Variants in ANKFN1 observed in about 807,000 individuals in gnomAD.
ANKFN1 encodes the protein ankyrin repeat and fibronectin type III domain containing 1, also known as ankyrin repeat and fibronectin type-III domain-containing protein 1.
ANKFN1 carries 74 observed loss-of-function variants against 108.7 expected under a neutral mutation model. That is an observed-to-expected ratio of 0.68 (90% CI 0.56 to 0.83). The LOEUF (loss-of-function observed/expected upper bound fraction) is 0.83. Ranked by LOEUF, ANKFN1 falls within the 40% of genes least tolerant of loss-of-function variation. The probability of loss-of-function intolerance (pLI) is 0.00; values close to 1 mark genes in which losing one functional copy is unlikely to be tolerated. For missense variants in ANKFN1, 1,505 were observed against 1,382.3 expected, an observed-to-expected ratio of 1.09 and a Z score of -1.41; for synonymous variants, 547 against 516.2, an observed-to-expected ratio of 1.06 and a Z score of -0.81.
chr17:56,477,539 T>C lies in ANKFN1; in HGVS notation c.1825T>C (p.Tyr609His). ...TCATCAGCGTCTCTTTCCTGGATTA[T>C]ATCTGGGTTACCTAAAGCTCTGTAG... is the stretch of plus-strand genomic sequence containing the variant. ...RSHQRLFPGLYLGYLKLCSSV... is the reference protein window; with the variant it reads ...RSHQRLFPGLHLGYLKLCSSV... The change falls in exon 16 of 21, where the codon TAT (tyrosine) becomes CAT (histidine). Residue 609 changes from tyrosine (Y) to histidine (H), a missense_variant. By Grantham distance (83) the Tyr-to-His change is moderately conservative. Coordinates refer to ENST00000682825, the MANE Select transcript of ANKFN1 (RefSeq NM_001370326.1). 5 of 1,613,268 alleles carry C rather than the reference T, an allele frequency of 3.1e-6. No homozygotes were observed. Among genetic ancestry groups the C allele is most frequent in the Non-Finnish European group, 4.2e-6 (5 of 1,179,560 alleles).
At chr17:56,284,391 C>T (rs903147711) in intron 3 of ANKFN1, among the ~76,000 whole-genome samples, 2 of 152,150 alleles carry the variant, frequency 1.3e-5, no homozygotes, top group Admixed American at 6.5e-5. Flanking sequence ...TGAAAATACT[C>T]CTATGATATT....
intron 1 of ANKFN1, among the ~76,000 whole-genome samples, chr17:56,187,838 A>ATTCTC (rs1211463976): frequency 4.6e-5 from 7 of 152,154 alleles, no homozygotes; most frequent in Non-Finnish European, 8.8e-5. Flanking sequence ...AAGGACAGAA[A>ATTCTC]ACCAAACACT....
At chr17:56,125,809 G>A (rs1246918130) in intron 4 of ANKFN1, among the ~76,000 whole-genome samples, 3 of 152,218 alleles carry the variant, frequency 2.0e-5, no homozygotes, top group Non-Finnish European at 4.4e-5. Context: ...GTAAAGCCAT[G>A]AGCAAAGGCA....
intron 1 of ANKFN1, among the ~76,000 whole-genome samples, chr17:56,185,404 G>T (rs1246547373): frequency 6.6e-6 from 1 of 152,196 alleles, no homozygotes; most frequent in African/African-American, 2.4e-5. Context: ...CCATAGGACA[G>T]GGTCTCCATA....
Position 56,062,573 on chromosome 17 carries a change from T to TTTTTTTTTTTTTTTTC in ANKFN1, c.288+16248_288+16249insTTTTTTTTTTTTTTTC, listed in dbSNP as rs1555589520. Among the ~76,000 whole-genome samples, 11 of 145,222 alleles carry TTTTTTTTTTTTTTTTC rather than the reference T, an allele frequency of 7.6e-5. 1 individual carries two copies. The highest frequency in any genetic ancestry group is 3.1e-4 in the African/African-American group (11 of 35,324). On this transcript the variant is annotated intron_variant, in intron 4 of 12. Coordinates refer to the ANKFN1 transcript ENST00000635860. ...TGTAATCTCTGCTTTTTTTTTTTTTTCTTTCCATTTGCTTGGTAAATTTTC... is the reference window on the plus strand; with the variant it reads ...TGTAATCTCTGCTTTTTTTTTTTTTTTTTTTTTTTTTTTTTCCTTTCCATTTGCTTGGTAAATTTTC...
chr17:56,087,428 C>T (rs1193099184), intron 4 of ANKFN1, among the ~76,000 whole-genome samples: 1 of 151,260 alleles, frequency 6.6e-6, no homozygotes, highest in African/African-American at 2.4e-5. Context: ...TTTCTTTATC[C>T]GGGCAGTGTC....
intron 4 of ANKFN1, among the ~76,000 whole-genome samples, chr17:56,334,906 G>A (rs147246233): frequency 1.3e-5 from 2 of 152,220 alleles, no homozygotes; most frequent in African/African-American, 4.8e-5. Flanking sequence ...TTTTGTGGAA[G>A]GTGTAAGGAA....
intron 3 of ANKFN1, among the ~76,000 whole-genome samples, chr17:56,285,216 C>T (rs2044184439): frequency 6.6e-6 from 1 of 152,056 alleles, no homozygotes; most frequent in Non-Finnish European, 1.5e-5. Flanking sequence ...TGGTCTTTGC[C>T]TTGCAGACAA....
intron 19 of ANKFN1, among the ~76,000 whole-genome samples, chr17:56,493,374 A>C (rs2051100230): frequency 6.6e-6 from 1 of 152,184 alleles, no homozygotes; most frequent in Non-Finnish European, 1.5e-5. Context: ...CTGGCCTACA[A>C]GGATAGGTTA....
At chr17:56,192,002 G>A (rs1172430035) in intron 1 of ANKFN1, among the ~76,000 whole-genome samples, 4 of 151,524 alleles carry the variant, frequency 2.6e-5, no homozygotes, top group Admixed American at 6.6e-5. Context: ...CCAGTTGATC[G>A]CATCGGCTCC....
chr17:56,349,489 C>T (rs924298265), intron 4 of ANKFN1, among the ~76,000 whole-genome samples: 2 of 151,828 alleles, frequency 1.3e-5, no homozygotes, highest in African/African-American at 4.8e-5. Flanking sequence ...TGCTAGCAGA[C>T]ATGGAACCCA....
intron 1 of ANKFN1, among the ~76,000 whole-genome samples, chr17:56,189,315 C>T (rs1022790999): frequency 3.0e-4 from 45 of 147,584 alleles, no homozygotes; most frequent in Non-Finnish European, 6.1e-4. Flanking sequence ...GGACTACAGG[C>T]GCCCGCCACT....
chr17:56,059,632 A>T (rs1307205737), intron 4 of ANKFN1, among the ~76,000 whole-genome samples: 1 of 152,198 alleles, frequency 6.6e-6, no homozygotes, highest in Non-Finnish European at 1.5e-5. Context: ...GAAGGGATCC[A>T]GTTTCAGTTT....
intron 4 of ANKFN1, among the ~76,000 whole-genome samples, chr17:56,132,176 A>G (rs995681367): frequency 1.3e-5 from 2 of 152,222 alleles, no homozygotes; most frequent in East Asian, 3.8e-4. Context: ...AAAAACCCAC[A>G]TCTTAGTCCA....
At chr17:56,480,389 T>C (rs1363192978) in intron 16 of ANKFN1, among the ~76,000 whole-genome samples, 1 of 152,144 alleles carries the variant, frequency 6.6e-6, no homozygotes, top group Non-Finnish European at 1.5e-5. Context: ...AGGAAATTAT[T>C]ACAAAATATT....
intron 6 of ANKFN1, among the ~76,000 whole-genome samples, chr17:56,355,795 C>A (rs1334643086): frequency 6.6e-6 from 1 of 152,058 alleles, no homozygotes; most frequent in South Asian, 2.1e-4. Context: ...TATTGAGATA[C>A]AATTCACATA....
Position 56,481,263 on chromosome 17 carries a change from G to A in ANKFN1, c.2091+445G>A. 1.3e-5 allele frequency among the ~76,000 whole-genome samples: 2 copies of A among 152,104 alleles called. 1 individual carries two copies. The highest frequency in any genetic ancestry group is 3.8e-4 in the East Asian group (2 of 5,198). On this transcript the variant is annotated intron_variant, in intron 17 of 20. Transcript: ENST00000682825. ...ATCTACAGCAATGTCCCAAGGATAT[G>A]CCATGCTATTTTTTCTCAGAGAACT...
At chr17:56,250,594 A>G (rs978117777) in intron 3 of ANKFN1, among the ~76,000 whole-genome samples, 9 of 152,218 alleles carry the variant, frequency 5.9e-5, no homozygotes, top group Non-Finnish European at 1.2e-4. Flanking sequence ...CACAAACTAG[A>G]TCTATACATC....
chr17:56,114,802 T>A (rs1306435719), intron 4 of ANKFN1, among the ~76,000 whole-genome samples: 1 of 152,216 alleles, frequency 6.6e-6, no homozygotes, highest in East Asian at 1.9e-4. Flanking sequence ...TCAAGGGTCC[T>A]TAAAAGTGAA....
Sources: gnomAD v4.1 joint callset for allele counts (sites outside exome capture counted in the v4.1 genomes callset) on GRCh38, gnomAD v4.1.1 for gene constraint, MANE v1.5 for transcripts, NCBI Gene and HGNC (gene_info 2026-07-23, HGNC 2026-07-21) for gene names.